SIPA1: variants seen among roughly 807,000 people sequenced by gnomAD.
SIPA1 encodes the protein signal-induced proliferation-associated protein 1.
SIPA1 carries 51 observed loss-of-function variants against 88.1 expected under a neutral mutation model. The observed-to-expected ratio is 0.58, with a 90% CI of 0.46 to 0.73. The LOEUF (loss-of-function observed/expected upper bound fraction) is 0.73. Among genes scored for constraint, SIPA1 ranks in the 30% least tolerant of loss-of-function variants. The pLI is 0.00. For missense variants in SIPA1, 1,348 were observed against 1,467.6 expected (o/e 0.92, Z 1.33); for synonymous variants, 681 against 664.8 (o/e 1.02, Z -0.37).
rs1350273345 is a variant in SIPA1 at position 65,641,343 on chromosome 11, C to T, written c.422C>T (p.Ala141Val). Reference protein sequence around the residue: ...RSQGMGSHSEASSGTLASAED... With the variant: ...RSQGMGSHSEVSSGTLASAED... ...CAGGGGATGGGGAGCCACTCAGAGG[C>T]CAGCTCTGGGACCCTGGCTTCAGCC... Residue 141 changes from alanine to valine, a missense_variant, in exon 2 of 16, where the codon GCC becomes GTC. Physicochemically the swap from Ala to Val is moderately conservative, Grantham distance 64. This residue lies in a region of SIPA1 where 641 missense variants were observed against 797.7 expected (regional missense o/e 0.80). Coordinates refer to ENST00000534313, the MANE Select transcript of SIPA1 (RefSeq NM_006747.4). 1 of 1,613,306 alleles carries T rather than the reference C, an allele frequency of 6.2e-7. No homozygotes were observed. The highest frequency in any genetic ancestry group is 1.3e-5 in the African/African-American group (1 of 74,942).
At chr11:65,647,282 CTG>C (rs1316075065) in intron 8 of SIPA1, 100 bp from the exon 9 acceptor site, 6 of 1,370,966 alleles carry the variant, frequency 4.4e-6, no homozygotes, top group Non-Finnish European at 5.7e-6. Flanking sequence ...CCCTCGGGGA[CTG>C]TGGAAAGTTC....
At chr11:65,647,718 G>A (rs1470481411) in intron 9 of SIPA1, 60 bp downstream of exon 9, 1 of 1,256,542 alleles carries the variant, frequency 8.0e-7, no homozygotes, top group African/African-American at 1.6e-5. Context: ...CGCGCAGTCT[G>A]CGCCTCCCGG....
At position 65,641,413 on chromosome 11, in the gene SIPA1, C is replaced by T; in HGVS notation, c.492C>T (p.Gly164=). 3 of 1,613,104 alleles carry T rather than the reference C, an allele frequency of 1.9e-6. No homozygotes were observed. Among genetic ancestry groups the T allele is most frequent in the South Asian group, 1.1e-5 (1 of 91,072 alleles). The part of the protein sequence containing the change: ...ASSDLLHGAP[G]FVCELGGEGE... ...CGGACCTGCTGCATGGGGCACCTGG[C>T]TTTGTGTGTGAGCTCGGGGGTGAGG... The change falls in exon 2 of 16, where the codon GGC becomes GGT. Residue 164 remains glycine (G), a synonymous_variant. Transcript: ENST00000534313.
Position 65,650,404 on chromosome 11 carries a change from A to G in SIPA1, c.2907A>G (p.Pro969=). ...PKGTPKSDAE[P]EPGNLSEKVS... is the part of the protein sequence containing the mutation. ...GTCTTGACCCCCATGTCTTCAGGCC[A>G]GAGCCTGGGAACCTCTCAGAGAAGG... Residue 969 remains proline, a synonymous_variant, in exon 15 of 16, where the codon CCA becomes CCG. Coordinates refer to ENST00000534313, the MANE Select transcript of SIPA1 (RefSeq NM_006747.4). 1 of 1,613,976 alleles carries G rather than the reference A, an allele frequency of 6.2e-7. No individual in the cohort carries two copies. Among genetic ancestry groups the G allele is most frequent in the South Asian group, 1.1e-5 (1 of 91,070 alleles).
rs1041064677 is a variant in SIPA1 at position 65,650,050 on chromosome 11, G to A, written c.2847G>A (p.Glu949=). 1 of 1,614,020 alleles carries A rather than the reference G, an allele frequency of 6.2e-7. No individual in the cohort carries two copies. The highest frequency in any genetic ancestry group is 8.5e-7 in the Non-Finnish European group (1 of 1,179,970). The change falls in exon 13 of 16, where the codon GAG becomes GAA. Residue 949 remains glutamate, a splice_region_variant and synonymous_variant. Transcript: ENST00000534313. ...CCATTCTGGAGTCGCTGTCCCGAGA[G>A]GGTGAGGCCACCAGGGTGCTGCGGT... ...CNTILESLSR[E]GQPIPESGDP...
At chr11:65,648,564 T>C (rs1856184779) in intron 9 of SIPA1, among the ~76,000 whole-genome samples, 1 of 152,186 alleles carries the variant, frequency 6.6e-6, no homozygotes, top group African/African-American at 2.4e-5. Flanking sequence ...CCGGGCGCGG[T>C]GGCTCATGCT....
chr11:65,647,132 T>C, intron 8 of SIPA1, 67 bp downstream of exon 8: 1 of 1,422,632 alleles, frequency 7.0e-7, no homozygotes, highest in Non-Finnish European at 9.2e-7. Flanking sequence ...GACCCCTCCC[T>C]CCCGCCGCCT....
At position 65,647,630 on chromosome 11, in the gene SIPA1, C is replaced by G; in HGVS notation, c.2278C>G (p.Pro760Ala). Residue 760 changes from proline (P) to alanine (A), a missense_variant, in exon 9 of 16, where the codon CCC becomes GCC. By Grantham distance (27) the Pro-to-Ala change is conservative. Around this residue, in one of 4 missense-constraint regions of SIPA1, gnomAD observed 615 missense variants for 559.8 expected, o/e 1.10. Transcript: ENST00000534313. ...GCCCAAGGTCTGCGTCACCGTCCTG[C>G]CCCCCGACGAGAGCGGCCGGCCCCG... Reference protein sequence around the residue: ...SAPKVCVTVLPPDESGRPRRS... With the variant: ...SAPKVCVTVLAPDESGRPRRS... 1 of 1,394,502 alleles carries G rather than the reference C, an allele frequency of 7.2e-7. No individual in the cohort carries two copies. 86.4% of individuals were successfully genotyped at this position (1,394,502 alleles called of 1,614,324 possible). A position where few individuals can be genotyped will look rare whatever the true frequency, so the allele number is the denominator to read the frequency against.
chr11:65,643,047 C>A (rs1306255193), intron 4 of SIPA1, among the ~76,000 whole-genome samples: 1 of 152,082 alleles, frequency 6.6e-6, no homozygotes, highest in East Asian at 1.9e-4. Flanking sequence ...TCCTGAGTAG[C>A]TGGGATTACA....
intron 9 of SIPA1, 75 bp from the exon 10 acceptor site, chr11:65,649,187 G>C (rs1051227516): frequency 1.8e-6 from 2 of 1,082,620 alleles, no homozygotes; most frequent in African/African-American, 3.2e-5. Context: ...TGAGCCTGGC[G>C]GGCTGGGGGT....
At position 65,641,034 on chromosome 11, in the gene SIPA1, C is replaced by G; in HGVS notation, c.113C>G (p.Pro38Arg). The G allele has an allele frequency of 1.3e-6, 2 of 1,592,014 alleles. No homozygotes were observed. The highest frequency in any genetic ancestry group is 1.7e-6 in the Non-Finnish European group (2 of 1,173,650). The change falls in exon 2 of 16, where the codon CCG (proline) becomes CGG (arginine). Residue 38 changes from proline (P) to arginine (R), a missense_variant. Pro to Arg is a moderately radical substitution (Grantham distance 103, BLOSUM62 -2). Transcript: ENST00000534313. ...CAGCCAGCAAGGCCCCCGCTGACACCGCACACCTTCGAGCCGAGGCCAGTC... is the reference window on the plus strand; with the variant it reads ...CAGCCAGCAAGGCCCCCGCTGACACGGCACACCTTCGAGCCGAGGCCAGTC... ...LRQPARPPLT[P>R]HTFEPRPVRG...
chr11:65,645,411 G>A (rs1034407503), intron 5 of SIPA1, among the ~76,000 whole-genome samples: 4 of 152,224 alleles, frequency 2.6e-5, no homozygotes, highest in Non-Finnish European at 5.9e-5. Context: ...TCAGCCTCGT[G>A]GAAGAGAGGT....
Position 65,641,637 on chromosome 11 carries a change from G to A in SIPA1, c.679+37G>A, listed in dbSNP as rs927840389. ...CAGTTCCAGGGAGTGGAGGAGGGGG[G>A]CTGAAGAAGAGGTCCCTGTCACCTG... On this transcript the variant is annotated intron_variant, in intron 2 of 15. Coordinates refer to ENST00000534313, the MANE Select transcript of SIPA1 (RefSeq NM_006747.4). The A allele has an allele frequency of 3.9e-6, 6 of 1,549,484 alleles. No homozygotes were observed. The South Asian group carries it at 4.8e-5, about 12-fold the overall frequency.
At position 65,647,508 on chromosome 11, in the gene SIPA1, C is replaced by T; in HGVS notation, c.2156C>T (p.Thr719Met). 2 of 1,400,210 alleles carry T rather than the reference C, an allele frequency of 1.4e-6. No individual in the cohort carries two copies. The highest frequency in any genetic ancestry group is 1.8e-6 in the Non-Finnish European group (2 of 1,081,316). The allele number at this position is 1,400,210 out of a possible 1,614,324, so 86.7% of individuals were successfully genotyped here. A position where few individuals can be genotyped will look rare whatever the true frequency, so the allele number is the denominator to read the frequency against. Reference sequence around the variant, plus strand: ...GTGGAGCGCTTCACATTCGCCGAGACGGCGGGGCTGCGGCCCGGGGCGCGC... The same window carrying T: ...GTGGAGCGCTTCACATTCGCCGAGATGGCGGGGCTGCGGCCCGGGGCGCGC... ...THVERFTFAETAGLRPGARLL... is the reference protein window; with the variant it reads ...THVERFTFAEMAGLRPGARLL... Residue 719 changes from threonine to methionine, a missense_variant, in exon 9 of 16, where the codon ACG becomes ATG. Physicochemically the swap from Thr to Met is moderately conservative, Grantham distance 81. Transcript: ENST00000534313.
rs1212554326 is a variant in SIPA1, at chr11:65,642,404, G to A, written c.807+27G>A. The A allele has an allele frequency of 1.3e-6, 2 of 1,594,332 alleles. No individual in the cohort carries two copies. The highest frequency in any genetic ancestry group is 2.3e-5 in the East Asian group (1 of 43,926). On this transcript the variant is annotated intron_variant, in intron 3 of 15. Coordinates refer to ENST00000534313, the MANE Select transcript of SIPA1 (RefSeq NM_006747.4). The surrounding 1 kb of genome is among the most constrained non-coding windows in gnomAD (Gnocchi z 6.5). ...TGGGCCGGGATCGCGGGATCAGGAC[G>A]TGGGTTGCCTCCCCGACACCTTGTA...
Position 65,642,371 on chromosome 11 carries a change from C to G in SIPA1, c.801C>G (p.Thr267=), listed in dbSNP as rs1233154827. Residue 267 remains threonine (T), a synonymous_variant, in exon 3 of 16, where the codon ACC becomes ACG. Coordinates refer to ENST00000534313, the MANE Select transcript of SIPA1 (RefSeq NM_006747.4). This position sits in a 1 kb window ranked among gnomAD's most constrained non-coding sequence, Gnocchi z 6.5. Reference sequence around the variant, plus strand: ...ACAGCTACCGCGTCATCGTGCGGACCACGCAGGTGGGCCGGGATCGCGGGA... The same window carrying G: ...ACAGCTACCGCGTCATCGTGCGGACGACGCAGGTGGGCCGGGATCGCGGGA... ...TLHSYRVIVR[T]TQLRTLRGTI... is the part of the protein sequence containing the mutation. 6.3e-7 allele frequency: 1 copy of G among 1,580,804 alleles called. No homozygotes were observed. The highest frequency in any genetic ancestry group is 2.3e-5 in the East Asian group (1 of 43,388).
chr11:65,639,721 A>G (rs1242563048), intron 1 of SIPA1: 1 of 152,110 alleles, frequency 6.6e-6, no homozygotes, highest in Non-Finnish European at 1.5e-5. Flanking sequence ...TTCTCACACC[A>G]CCATTTGCAC....
Position 65,647,652 on chromosome 11 carries a change from C to G in SIPA1, c.2300C>G (p.Pro767Arg). The change falls in exon 9 of 16, where the codon CCC becomes CGC. Residue 767 changes from proline to arginine, a missense_variant. Physicochemically the swap from Pro to Arg is moderately radical, Grantham distance 103. Coordinates refer to ENST00000534313, the MANE Select transcript of SIPA1 (RefSeq NM_006747.4). ...TVLPPDESGR[P>R]RRSFSELYTL... is the part of the protein sequence containing the mutation. ...CTGCCCCCCGACGAGAGCGGCCGGC[C>G]CCGCAGGTCAGGGTGCCGGGGACGC... is the stretch of plus-strand genomic sequence containing the variant. 7.3e-7 allele frequency: 1 copy of G among 1,364,914 alleles called. No homozygotes were observed. The highest frequency in any genetic ancestry group is 9.4e-7 in the Non-Finnish European group (1 of 1,062,230). The allele number at this position is 1,364,914 out of a possible 1,614,324, so 84.6% of individuals were successfully genotyped here.
rs1443207213 is a variant in SIPA1, at chr11:65,642,196, G to T, written c.680-54G>T. The T allele has an allele frequency of 2.0e-6, 3 of 1,534,858 alleles. No homozygotes were observed. In the African/African-American group the frequency reaches 4.2e-5, roughly 21 times the overall value. ...CTTAGTGATGCGCGTGGTCGAGCGG[G>T]GGCGGGGCTGCCAGAGGGCGGGACC... On this transcript the variant is annotated intron_variant, in intron 2 of 15. Transcript: ENST00000534313. This position sits in a 1 kb window ranked among gnomAD's most constrained non-coding sequence, Gnocchi z 6.5.
Sources: allele counts gnomAD v4.1 joint callset (sites outside exome capture counted in the v4.1 genomes callset), GRCh38; gene constraint gnomAD v4.1.1; regional missense constraint gnomAD v4.1.1; non-coding constraint Gnocchi (gnomAD v3.1); transcripts MANE v1.5; gene names NCBI Gene and HGNC (gene_info 2026-07-23, HGNC 2026-07-21).